EPM2A: variants seen among roughly 807,000 people sequenced by gnomAD.
EPM2A encodes the protein EPM2A glucan phosphatase, laforin.
In EPM2A, 21 loss-of-function variants were observed where a neutral mutation model predicts 26.5. That is an observed-to-expected ratio of 0.79 (90% CI 0.56 to 1.14). EPM2A has a LOEUF of 1.14. Ranked by LOEUF, EPM2A falls within the 50% of genes most tolerant of loss-of-function variation. The pLI is 0.00. For synonymous variants in EPM2A, 217 were observed against 177.6 expected (o/e 1.22, Z -1.76); for missense variants, 458 against 440.8 (o/e 1.04, Z -0.35).
At chr6:145,509,587 G>C (rs115999301) in intron 2 of EPM2A, among the ~76,000 whole-genome samples, 3,020 of 152,248 alleles carry the variant, frequency 0.02, 42 homozygotes, top group Admixed American at 0.04. Flanking sequence ...ATGCTTAAGG[G>C]AGTGCTAAAC....
intron 2 of EPM2A, among the ~76,000 whole-genome samples, chr6:145,507,748 G>A (rs1779996773): frequency 6.6e-6 from 1 of 152,220 alleles, no homozygotes; most frequent in Non-Finnish European, 1.5e-5. Context: ...TGAGTATGGA[G>A]AGTGTCCCAG....
chr6:145,416,800 C>A (rs1390563178), intron 4 of EPM2A, among the ~76,000 whole-genome samples: 1 of 151,610 alleles, frequency 6.6e-6, no homozygotes, highest in African/African-American at 2.4e-5. Flanking sequence ...ACACAATAGA[C>A]AAACTGACAA....
intron 4 of EPM2A, among the ~76,000 whole-genome samples, chr6:145,445,365 G>C (rs1779116819): frequency 6.6e-6 from 1 of 152,120 alleles, no homozygotes; most frequent in Non-Finnish European, 1.5e-5. Flanking sequence ...GTGAAATAAA[G>C]ACAGACATTT....
intron 4 of EPM2A, chr6:145,490,974 T>C (rs1440622449): frequency 4.8e-5 from 42 of 873,860 alleles, no homozygotes; most frequent in Non-Finnish European, 1.8e-6. Flanking sequence ...CTTCCTCTAA[T>C]GTTTTGATGC....
At chr6:145,555,311 C>T (rs1780714483) in intron 2 of EPM2A, among the ~76,000 whole-genome samples, 2 of 152,168 alleles carry the variant, frequency 1.3e-5, no homozygotes, top group East Asian at 1.9e-4. Context: ...CATGCACAGA[C>T]TTCCCCTCCT....
At chr6:145,399,535 A>C (rs1472487751) in intron 4 of EPM2A, among the ~76,000 whole-genome samples, 1 of 152,216 alleles carries the variant, frequency 6.6e-6, no homozygotes, top group African/African-American at 2.4e-5. Flanking sequence ...GATTTATGCG[A>C]ACAGAAAAAA....
intron 2 of EPM2A, among the ~76,000 whole-genome samples, chr6:145,565,236 C>T (rs1345873173): frequency 1.3e-5 from 2 of 152,154 alleles, no homozygotes; most frequent in Non-Finnish European, 2.9e-5. Context: ...TTTGACCTTA[C>T]CTGCTGTTTG....
chr6:145,573,058 G>A (rs534367720), intron 2 of EPM2A, among the ~76,000 whole-genome samples: 3 of 152,292 alleles, frequency 2.0e-5, no homozygotes, highest in Admixed American at 6.5e-5. Context: ...GAAAGTTCCC[G>A]AGTTTCAGTT....
chr6:145,522,015 C>T (rs1374667241), intron 2 of EPM2A, among the ~76,000 whole-genome samples: 3 of 152,244 alleles, frequency 2.0e-5, no homozygotes, highest in South Asian at 2.1e-4. Context: ...TGCAGTGGCA[C>T]GATCTCAGCT....
chr6:145,706,737 C>T (rs1275079553), intron 1 of EPM2A, among the ~76,000 whole-genome samples: 1 of 152,116 alleles, frequency 6.6e-6, no homozygotes, highest in Non-Finnish European at 1.5e-5. Context: ...TGGTTTTGTT[C>T]AAATACATTC....
intron 2 of EPM2A, among the ~76,000 whole-genome samples, chr6:145,533,609 T>G (rs900194567): frequency 4.6e-5 from 7 of 152,188 alleles, no homozygotes; most frequent in Admixed American, 2.6e-4. Context: ...CATTCTTGTT[T>G]GGGGAAAATT....
chr6:145,431,241 G>A (rs1279279508), intron 4 of EPM2A, among the ~76,000 whole-genome samples: 3 of 152,178 alleles, frequency 2.0e-5, no homozygotes, highest in Non-Finnish European at 4.4e-5. Flanking sequence ...ATACACTAGA[G>A]TCCTAATAGC....
In EPM2A at chr6:145,453,702, T is replaced by G. The variant is rs562479149; in HGVS notation, c.555+48820A>C. Among the ~76,000 whole-genome samples, 3 of 152,330 alleles carry G rather than the reference T, an allele frequency of 2.0e-5. No individual in the cohort carries two copies. In the South Asian group the frequency reaches 6.2e-4, roughly 32 times the overall value. Reference sequence around the variant, plus strand: ...TTCAGGATAGCAGACCAAAAAGTACTTAATTCATGAGTGCTTTTTATTAGC... The same window carrying G: ...TTCAGGATAGCAGACCAAAAAGTACGTAATTCATGAGTGCTTTTTATTAGC... On this transcript the variant is annotated intron_variant, in intron 4 of 4. Coordinates refer to the EPM2A transcript ENST00000638717.
chr6:145,541,904 T>G (rs1302394772), intron 2 of EPM2A, among the ~76,000 whole-genome samples: 1 of 152,104 alleles, frequency 6.6e-6, no homozygotes, highest in Non-Finnish European at 1.5e-5. Context: ...AAGTAATATG[T>G]CGATTTTTGG....
intron 2 of EPM2A, among the ~76,000 whole-genome samples, chr6:145,592,492 G>A (rs143873301): frequency 1.8e-3 from 274 of 152,184 alleles, no homozygotes; most frequent in African/African-American, 6.0e-3. Context: ...TGTCTTTATA[G>A]CAGCATGATT....
intron 2 of EPM2A, among the ~76,000 whole-genome samples, chr6:145,683,968 GA>G (rs1264432139): frequency 1.3e-5 from 2 of 152,016 alleles, no homozygotes; most frequent in Non-Finnish European, 2.9e-5. Flanking sequence ...CAAAATGAAT[GA>G]AAAACAATTG....
intron 4 of EPM2A, among the ~76,000 whole-genome samples, chr6:145,419,000 T>A (rs1778745212): frequency 6.6e-6 from 1 of 152,240 alleles, no homozygotes; most frequent in African/African-American, 2.4e-5. Context: ...GGCATTTGAC[T>A]GGCGAGTCAG....
intron 1 of EPM2A, among the ~76,000 whole-genome samples, chr6:145,695,155 C>A (rs1308712010): frequency 1.3e-5 from 2 of 151,874 alleles, no homozygotes; most frequent in East Asian, 3.9e-4. Context: ...ACATCAAAAT[C>A]ATAAAATGTG....
At chr6:145,467,836 G>T (rs1779419663) in intron 4 of EPM2A, among the ~76,000 whole-genome samples, 1 of 151,900 alleles carries the variant, frequency 6.6e-6, no homozygotes, top group Non-Finnish European at 1.5e-5. Context: ...AATTCTCCCT[G>T]TTTTTTATTT....
Sources: allele counts gnomAD v4.1 joint callset (sites outside exome capture counted in the v4.1 genomes callset), GRCh38; gene constraint gnomAD v4.1.1; transcripts MANE v1.5; gene names NCBI Gene and HGNC (gene_info 2026-07-23, HGNC 2026-07-21).